The following NTN1 variants were observed in gnomAD, a reference collection of about 807,000 sequenced individuals.
NTN1 encodes netrin-1.
A neutral mutation model predicts 54.2 loss-of-function variants in NTN1; 11 were observed. The observed-to-expected ratio is 0.20, with a 90% CI of 0.13 to 0.34. The LOEUF (loss-of-function observed/expected upper bound fraction) is 0.34, where lower values mean the gene tolerates loss of function less well. Ranked by LOEUF, NTN1 falls within the 10% of genes least tolerant of loss-of-function variation. NTN1 has a pLI of 1.00. For synonymous variants in NTN1, 371 were observed against 382.0 expected (o/e 0.97, Z 0.33); for missense variants, 740 against 893.1 (o/e 0.83, Z 2.18).
chr17:9,127,751 G>A (rs994202362), intron 2 of NTN1, among the ~76,000 whole-genome samples: 1 of 152,112 alleles, frequency 6.6e-6, no homozygotes, highest in African/African-American at 2.4e-5. Flanking sequence ...TCTACTGATG[G>A]GCCAGACATG....
In NTN1 at chr17:9,163,026, G is replaced by A. The variant is rs531000196; in HGVS notation, c.1207+25G>A. 1.8e-4 allele frequency: 285 copies of A among 1,568,426 alleles called. 1 individual carries two copies. In the East Asian group the frequency reaches 6.4e-3, roughly 35 times the overall value. ...GGTGGGCTACACGTGGCGGGGCGGG[G>A]GGCTGGGGAGACCCGGGGAACATCA... is the stretch of plus-strand genomic sequence containing the variant. On this transcript the variant is annotated intron_variant, in intron 3 of 6. Transcript: ENST00000173229.
chr17:9,034,379 A>G (rs1257510253), intron 2 of NTN1, among the ~76,000 whole-genome samples: 2 of 151,504 alleles, frequency 1.3e-5, no homozygotes, highest in Non-Finnish European at 2.9e-5. Context: ...TACCTCATTT[A>G]ATCCTCATAG....
At chr17:9,123,508 C>G (rs2092237291) in intron 2 of NTN1, among the ~76,000 whole-genome samples, 1 of 152,212 alleles carries the variant, frequency 6.6e-6, no homozygotes, top group Non-Finnish European at 1.5e-5. Context: ...ACGTATTTTA[C>G]AGTTTTTACT....
intron 5 of NTN1, among the ~76,000 whole-genome samples, chr17:9,218,147 CAAAG>C (rs1372928679): frequency 2.6e-5 from 4 of 152,172 alleles, no homozygotes; most frequent in Non-Finnish European, 5.9e-5. Context: ...TTCCCTAAGA[CAAAG>C]AAATCAGAAA....
chr17:9,113,314 A>G (rs9907419), intron 2 of NTN1, among the ~76,000 whole-genome samples: 18,669 of 151,958 alleles, frequency 0.12, 1,235 homozygotes, highest in African/African-American at 0.14. Context: ...GAGCCACCGC[A>G]CTGGGCCTGT....
intron 2 of NTN1, among the ~76,000 whole-genome samples, chr17:9,117,570 C>T (rs1419942351): frequency 2.0e-5 from 3 of 151,858 alleles, no homozygotes; most frequent in Non-Finnish European, 4.4e-5. Flanking sequence ...ATGGTGAAAC[C>T]CCGTCTCTAC....
chr17:9,137,069 T>G (rs1360700870), intron 2 of NTN1, among the ~76,000 whole-genome samples: 1 of 152,156 alleles, frequency 6.6e-6, no homozygotes, highest in African/African-American at 2.4e-5. Context: ...TTTTCTCCCC[T>G]CCTCCACACA....
chr17:9,029,735 T>C (rs931590050), intron 2 of NTN1, among the ~76,000 whole-genome samples: 2 of 152,252 alleles, frequency 1.3e-5, no homozygotes, highest in South Asian at 4.1e-4. Context: ...GGCTCACGCC[T>C]GTAATCCCAG....
the NTN1 span, among the ~76,000 whole-genome samples, chr17:9,004,440 G>A: frequency 6.6e-6 from 1 of 152,252 alleles, no homozygotes; most frequent in African/African-American, 2.4e-5. Context: ...CCTCGGGTCC[G>A]CCTGGGGACA....
chr17:9,089,459 A>G (rs2092101735), intron 2 of NTN1, among the ~76,000 whole-genome samples: 1 of 151,994 alleles, frequency 6.6e-6, no homozygotes, highest in South Asian at 2.1e-4. Context: ...CTATTCTCCA[A>G]TTTCTACTTT....
intron 5 of NTN1, among the ~76,000 whole-genome samples, chr17:9,201,561 T>G (rs1904785666): frequency 6.6e-6 from 1 of 152,190 alleles, no homozygotes; most frequent in South Asian, 2.1e-4. Flanking sequence ...GGAATAGAGC[T>G]CAATGGTGCC....
chr17:9,132,884 A>G (rs934864499), intron 2 of NTN1, among the ~76,000 whole-genome samples: 6 of 152,164 alleles, frequency 3.9e-5, no homozygotes, highest in African/African-American at 1.4e-4. Flanking sequence ...CAAAAAAGAA[A>G]AAGAATGACA....
intron 2 of NTN1, among the ~76,000 whole-genome samples, chr17:9,145,922 A>G (rs2092312055): frequency 6.8e-6 from 1 of 146,950 alleles, no homozygotes; most frequent in Non-Finnish European, 1.5e-5. Flanking sequence ...ATCTCAAAAA[A>G]AAAAAAAAAA....
chr17:9,047,594 A>G (rs963457439), intron 2 of NTN1, among the ~76,000 whole-genome samples: 2 of 151,752 alleles, frequency 1.3e-5, no homozygotes, highest in African/African-American at 4.8e-5. Context: ...TATTTCCCCC[A>G]CTGAAGTTTT....
chr17:9,109,676 A>G (rs1441445166), intron 2 of NTN1, among the ~76,000 whole-genome samples: 1 of 152,212 alleles, frequency 6.6e-6, no homozygotes, highest in Non-Finnish European at 1.5e-5. Flanking sequence ...TTCCAGCTTT[A>G]CTAGATATTG....
chr17:9,052,968 G>T (rs8069536), intron 2 of NTN1, among the ~76,000 whole-genome samples: 27,494 of 152,166 alleles, frequency 0.18, 2,928 homozygotes, highest in African/African-American at 0.3. Flanking sequence ...GGGAATTTAT[G>T]ACTTAACTGA....
At chr17:9,232,513 G>A (rs1038224641) in intron 6 of NTN1, among the ~76,000 whole-genome samples, 9 of 152,132 alleles carry the variant, frequency 5.9e-5, no homozygotes, top group Non-Finnish European at 1.3e-4. Flanking sequence ...AGTTCTGAGA[G>A]AGAGGGTCAT....
chr17:9,095,647 A>G (rs1380338404), intron 2 of NTN1, among the ~76,000 whole-genome samples: 2 of 152,242 alleles, frequency 1.3e-5, no homozygotes, highest in South Asian at 2.1e-4. Context: ...TGATTACAAA[A>G]TCCCTTGGCT....
chr17:9,118,260 C>T (rs895299843), intron 2 of NTN1, among the ~76,000 whole-genome samples: 1 of 152,226 alleles, frequency 6.6e-6, no homozygotes, highest in Admixed American at 6.5e-5. Context: ...TGGCTCACGC[C>T]TGTAATCCCA....
Sources: gnomAD v4.1 joint callset for allele counts (sites outside exome capture counted in the v4.1 genomes callset) on GRCh38, gnomAD v4.1.1 for gene constraint, MANE v1.5 for transcripts, NCBI Gene and HGNC (gene_info 2026-07-23, HGNC 2026-07-21) for gene names.